Variants in UNC5D observed in about 807,000 individuals in gnomAD.
UNC5D encodes the protein netrin receptor UNC5D.
In UNC5D, 39 loss-of-function variants were observed where a neutral mutation model predicts 105.4. The observed-to-expected ratio is 0.37, with a 90% CI of 0.29 to 0.48. UNC5D has a LOEUF of 0.48. Ranked by LOEUF, UNC5D falls within the 20% of genes least tolerant of loss-of-function variation. The pLI, the probability that UNC5D is intolerant of heterozygous loss-of-function variation, is 0.98. For synonymous variants in UNC5D, 452 were observed against 450.4 expected (o/e 1.00, Z -0.04); for missense variants, 991 against 1,202.4 (o/e 0.82, Z 2.60).
intron 1 of UNC5D, among the ~76,000 whole-genome samples, chr8:35,299,839 T>C (rs1295916081): frequency 6.6e-6 from 1 of 152,122 alleles, no homozygotes; most frequent in Admixed American, 6.5e-5. Flanking sequence ...AATGCAACTG[T>C]AAAATAGAGT....
intron 1 of UNC5D, among the ~76,000 whole-genome samples, chr8:35,377,183 C>T (rs1802751958): frequency 6.6e-6 from 1 of 152,124 alleles, no homozygotes; most frequent in East Asian, 1.9e-4. Context: ...TGATGGCAGA[C>T]CTCCATTACA....
chr8:35,242,978 G>A (rs990787609), intron 1 of UNC5D, among the ~76,000 whole-genome samples: 1 of 152,102 alleles, frequency 6.6e-6, no homozygotes, highest in African/African-American at 2.4e-5. Flanking sequence ...ATGGGTTATG[G>A]AAGCTAAGCT....
intron 11 of UNC5D, among the ~76,000 whole-genome samples, chr8:35,734,825 C>T (rs1473126099): frequency 3.6e-5 from 5 of 140,802 alleles, no homozygotes. Context: ...CTCTGTTGCT[C>T]AGGTTGGAGT....
intron 4 of UNC5D, among the ~76,000 whole-genome samples, chr8:35,636,519 T>C (rs1224359103): frequency 6.6e-6 from 1 of 152,116 alleles, no homozygotes; most frequent in Non-Finnish European, 1.5e-5. Flanking sequence ...AATGTTCCCC[T>C]AGCATGGAGA....
At chr8:35,332,664 C>T (rs1810716606) in intron 1 of UNC5D, among the ~76,000 whole-genome samples, 1 of 152,180 alleles carries the variant, frequency 6.6e-6, no homozygotes, top group Non-Finnish European at 1.5e-5. Flanking sequence ...ACCAGTTACA[C>T]TTATGACAGA....
intron 1 of UNC5D, among the ~76,000 whole-genome samples, chr8:35,314,453 A>G (rs762291681): frequency 2.6e-5 from 4 of 152,158 alleles, no homozygotes; most frequent in Non-Finnish European, 4.4e-5. Context: ...CATCCATATC[A>G]TGTAAGAGAC....
chr8:35,504,178 A>G (rs1291665647), intron 1 of UNC5D, among the ~76,000 whole-genome samples: 1 of 152,154 alleles, frequency 6.6e-6, no homozygotes, highest in Non-Finnish European at 1.5e-5. Context: ...AAAACCATTG[A>G]TGACTTCTCA....
At position 35,750,681 on chromosome 8, in the gene UNC5D, A is replaced by T; in HGVS notation, c.2035A>T (p.Thr679Ser). Residue 679 changes from threonine to serine, a missense_variant, in exon 13 of 17, where the codon ACT becomes TCT. Physicochemically the swap from Thr to Ser is moderately conservative, Grantham distance 58. Coordinates refer to ENST00000404895, the MANE Select transcript of UNC5D (RefSeq NM_080872.4). ...LLDSFGTYAL[T>S]GEPITDCAVK... is the part of the protein sequence containing the mutation. Reference sequence around the variant, plus strand: ...GGACAGCTTTGGGACCTATGCGCTCACTGGAGAGCCAATCACAGACTGTGC... The same window carrying T: ...GGACAGCTTTGGGACCTATGCGCTCTCTGGAGAGCCAATCACAGACTGTGC... 1.2e-6 allele frequency: 2 copies of T among 1,614,112 alleles called. No individual in the cohort carries two copies. Among genetic ancestry groups the T allele is most frequent in the Non-Finnish European group, 1.7e-6 (2 of 1,180,022 alleles).
At chr8:35,498,084 C>A (rs2918962) in intron 1 of UNC5D, among the ~76,000 whole-genome samples, 1,662 of 57,784 alleles carry the variant, frequency 0.029, 23 homozygotes, top group Non-Finnish European at 0.041. Flanking sequence ...CAAAACAAAA[C>A]AAAAAAAAAA....
intron 4 of UNC5D, among the ~76,000 whole-genome samples, chr8:35,634,358 G>C (rs1375412964): frequency 6.6e-6 from 1 of 152,160 alleles, no homozygotes. Context: ...ACTAAACAAG[G>C]CAATGCACAA....
Position 35,439,640 on chromosome 8 carries a change from G to C in UNC5D, c.104-109652G>C, listed in dbSNP as rs148501164. Among the ~76,000 whole-genome samples the C allele has an allele frequency of 2.0e-5, 3 of 152,170 alleles. No homozygotes were observed. The East Asian group carries it at 5.8e-4, about 30-fold the overall frequency. ...CTCCACCTGCCAAAGCCATGGGATA[G>C]ACTAAGGTATATCTGAGTTCTTTGT... is the stretch of plus-strand genomic sequence containing the variant. On this transcript the variant is annotated intron_variant, in intron 1 of 16. Transcript: ENST00000404895.
At chr8:35,535,553 AG>A (rs34073376) in intron 1 of UNC5D, among the ~76,000 whole-genome samples, 2,012 of 152,132 alleles carry the variant, frequency 0.013, 18 homozygotes, top group Non-Finnish European at 0.019. Flanking sequence ...ACTACGGCAA[AG>A]GCAGGTAGCC....
chr8:35,656,745 G>A (rs146295525), intron 4 of UNC5D, among the ~76,000 whole-genome samples: 7 of 152,166 alleles, frequency 4.6e-5, no homozygotes, highest in Admixed American at 4.6e-4. Flanking sequence ...ATTTCTCAAT[G>A]TGTAAAGTAT....
At chr8:35,333,896 A>G (rs1278264958) in intron 1 of UNC5D, among the ~76,000 whole-genome samples, 4 of 152,314 alleles carry the variant, frequency 2.6e-5, no homozygotes, top group African/African-American at 9.6e-5. Context: ...TAAATTACCT[A>G]TATTACTCAG....
intron 1 of UNC5D, among the ~76,000 whole-genome samples, chr8:35,290,179 T>C (rs534082794): frequency 1.3e-5 from 2 of 152,104 alleles, no homozygotes; most frequent in Non-Finnish European, 2.9e-5. Context: ...TCAAAGGAAC[T>C]GAAATCAATG....
chr8:35,680,424 T>C (rs982028083), intron 4 of UNC5D, among the ~76,000 whole-genome samples: 6 of 152,312 alleles, frequency 3.9e-5, no homozygotes, highest in African/African-American at 1.4e-4. Context: ...GTGGATTTTT[T>C]TTTATTTCAT....
At chr8:35,472,423 CA>C (rs375343386) in intron 1 of UNC5D, among the ~76,000 whole-genome samples, 1,487 of 148,610 alleles carry the variant, frequency 0.01, 30 homozygotes, top group African/African-American at 0.034. Flanking sequence ...GAGGAAGGTA[CA>C]AAAAAAAAGC....
At chr8:35,272,605 G>C (rs1805490804) in intron 1 of UNC5D, among the ~76,000 whole-genome samples, 1 of 152,154 alleles carries the variant, frequency 6.6e-6, no homozygotes, top group Non-Finnish European at 1.5e-5. Context: ...GGGTGACTTA[G>C]AGTGAGCCAA....
At chr8:35,248,665 T>C (rs1347571437) in intron 1 of UNC5D, among the ~76,000 whole-genome samples, 1 of 96,976 alleles carries the variant, frequency 1.0e-5, no homozygotes, top group Non-Finnish European at 1.8e-5. Flanking sequence ...TAAATATAAA[T>C]ATATGTTATA....
Sources: allele counts gnomAD v4.1 joint callset (sites outside exome capture counted in the v4.1 genomes callset), GRCh38; gene constraint gnomAD v4.1.1; transcripts MANE v1.5; gene names NCBI Gene and HGNC (gene_info 2026-07-23, HGNC 2026-07-21).